KCNIP1: variants seen among roughly 807,000 people sequenced by gnomAD.
KCNIP1 encodes the protein A-type potassium channel modulatory protein KCNIP1.
In KCNIP1, 18 loss-of-function variants were observed where a neutral mutation model predicts 33.0. That is an observed-to-expected ratio of 0.55 (90% CI 0.38 to 0.81). KCNIP1 has a LOEUF of 0.81. Ranked by LOEUF, KCNIP1 falls within the 30% of genes least tolerant of loss-of-function variation. The pLI is 0.00. For synonymous variants in KCNIP1, 93 were observed against 98.3 expected (o/e 0.95, Z 0.32); for missense variants, 238 against 271.6 (o/e 0.88, Z 0.87).
At chr5:170,635,637 C>T (rs892039838) in intron 1 of KCNIP1, among the ~76,000 whole-genome samples, 4 of 152,360 alleles carry the variant, frequency 2.6e-5, no homozygotes, top group East Asian at 3.9e-4. Context: ...TATCAGCCTC[C>T]CTGCACTGTA....
In KCNIP1 at chr5:170,489,997, C is replaced by G. The variant is rs1179812402; in HGVS notation, c.88+136033C>G. The stretch of plus-strand genomic sequence containing the variant: ...AGGGTTTGAGGGTTAAGGACATTCA[C>G]CAGTCTCCCAGCACACTCATCTCCA... On this transcript the variant is annotated intron_variant, in intron 1 of 7. Transcript: ENST00000377360. This position sits in a 1 kb window ranked among gnomAD's most constrained non-coding sequence, Gnocchi z 4.3. 1.3e-5 allele frequency among the ~76,000 whole-genome samples: 2 copies of G among 152,174 alleles called. No individual in the cohort carries two copies. The highest frequency in any genetic ancestry group is 2.9e-5 in the Non-Finnish European group (2 of 68,034).
intron 1 of KCNIP1, among the ~76,000 whole-genome samples, chr5:170,600,693 T>C (rs1758656904): frequency 6.6e-6 from 1 of 152,192 alleles, no homozygotes; most frequent in Admixed American, 6.5e-5. Flanking sequence ...CTGCATTCAG[T>C]AGGCAGGTAC....
At chr5:170,458,623 C>T (rs1756441759) in intron 1 of KCNIP1, among the ~76,000 whole-genome samples, 1 of 152,162 alleles carries the variant, frequency 6.6e-6, no homozygotes, top group Admixed American at 6.5e-5. Flanking sequence ...AGGAAAGATA[C>T]AGTCTTTTTC....
At chr5:170,670,034 A>G (rs1289627422) in intron 1 of KCNIP1, among the ~76,000 whole-genome samples, 1 of 152,214 alleles carries the variant, frequency 6.6e-6, no homozygotes, top group African/African-American at 2.4e-5. Context: ...TTCAGCAACC[A>G]GAGAACTGAA....
intron 1 of KCNIP1, among the ~76,000 whole-genome samples, chr5:170,478,899 A>T (rs1756914486): frequency 6.8e-6 from 1 of 147,466 alleles, no homozygotes. Context: ...GTGGTTAATG[A>T]AAAGGAAGAT....
chr5:170,721,924 C>T lies in KCNIP1; in HGVS notation c.327+21C>T, dbSNP rs534907869. 1.1e-4 allele frequency: 176 copies of T among 1,613,660 alleles called. 3 individuals carry two copies. The East Asian group carries it at 3.6e-3, about 33-fold the overall frequency. ...TCGAGGTACGCTCATCTGGGGTCCA[C>T]TCTAGGGGTCCTCTGGTTCTGCATC... On this transcript the variant is annotated intron_variant, in intron 4 of 7. Transcript: ENST00000328939.
intron 5 of KCNIP1, among the ~76,000 whole-genome samples, chr5:170,723,216 A>G (rs1763891605): frequency 6.6e-6 from 1 of 152,244 alleles, no homozygotes; most frequent in Non-Finnish European, 1.5e-5. Context: ...AAAGATTTTT[A>G]AGGAAGAGGA....
At chr5:170,734,295 C>A (rs1465892651) in intron 7 of KCNIP1, among the ~76,000 whole-genome samples, 1 of 152,112 alleles carries the variant, frequency 6.6e-6, no homozygotes, top group Non-Finnish European at 1.5e-5. Context: ...CCACAGTGTG[C>A]ATAAAAATTG....
chr5:170,638,826 G>C lies in KCNIP1; in HGVS notation c.62-79932G>C, dbSNP rs550954936. Among the ~76,000 whole-genome samples, 23 of 152,284 alleles carry C rather than the reference G, an allele frequency of 1.5e-4. No homozygotes were observed. The South Asian group carries it at 4.1e-3, about 27-fold the overall frequency. On this transcript the variant is annotated intron_variant, in intron 1 of 7. Transcript: ENST00000328939. ...CTCAGGGGAACCCTCCTCCTCTCCC[G>C]AATCTCCGGGCTTCCTGCATCCCTG...
chr5:170,490,324 A>AAATT (rs1395731131), intron 1 of KCNIP1, among the ~76,000 whole-genome samples: 1 of 152,230 alleles, frequency 6.6e-6, no homozygotes, highest in Non-Finnish European at 1.5e-5. Flanking sequence ...TCACTGTGTG[A>AAATT]AATTCTCCCA....
chr5:170,669,105 A>T (rs1296541560), intron 1 of KCNIP1, among the ~76,000 whole-genome samples: 4 of 152,182 alleles, frequency 2.6e-5, no homozygotes, highest in African/African-American at 9.7e-5. Flanking sequence ...GTGTGAATAA[A>T]GGGACTGGGT....
intron 1 of KCNIP1, chr5:170,378,660 A>G (rs1764104954): frequency 1.9e-6 from 3 of 1,548,032 alleles, no homozygotes; most frequent in Non-Finnish European, 2.6e-6. Flanking sequence ...GGGCCCAGCC[A>G]GTCCCCTGTG....
At chr5:170,458,000 A>T (rs1313963102) in intron 1 of KCNIP1, among the ~76,000 whole-genome samples, 1 of 152,234 alleles carries the variant, frequency 6.6e-6, no homozygotes, top group Admixed American at 6.5e-5. Context: ...ATAAATAAAA[A>T]ACAATCAAAA....
chr5:170,671,045 G>A (rs545375905), intron 1 of KCNIP1, among the ~76,000 whole-genome samples: 1 of 152,208 alleles, frequency 6.6e-6, no homozygotes, highest in South Asian at 2.1e-4. Flanking sequence ...CCTTGTCACT[G>A]TGTCTTCTGA....
intron 1 of KCNIP1, among the ~76,000 whole-genome samples, chr5:170,682,944 T>C (rs1762408665): frequency 6.6e-6 from 1 of 152,120 alleles, no homozygotes. Context: ...TCCTACTTTC[T>C]TATAAGGCTA....
chr5:170,694,688 TC>T (rs1455631126), intron 1 of KCNIP1, among the ~76,000 whole-genome samples: 1 of 152,220 alleles, frequency 6.6e-6, no homozygotes, highest in African/African-American at 2.4e-5. Flanking sequence ...ACAGAGAGGT[TC>T]TTTTTAATTG....
chr5:170,442,502 C>G (rs955931555), intron 1 of KCNIP1, among the ~76,000 whole-genome samples: 4 of 152,184 alleles, frequency 2.6e-5, no homozygotes, highest in African/African-American at 7.2e-5. Context: ...TAAGGAGAGA[C>G]AGGGCCTCGT....
In KCNIP1 at chr5:170,447,594, G is replaced by A. The variant is rs115241103; in HGVS notation, c.88+93630G>A. On this transcript the variant is annotated intron_variant, in intron 1 of 7. Coordinates refer to the KCNIP1 transcript ENST00000377360. The stretch of plus-strand genomic sequence containing the variant: ...GCAGCATCCAGAATTCAGCCTCAGG[G>A]ATGTTGGTCATGCAAGCCACCAAAT... 6.2e-3 allele frequency among the ~76,000 whole-genome samples: 937 copies of A among 152,242 alleles called. 13 individuals are homozygous for A. The highest frequency in any genetic ancestry group is 0.021 in the African/African-American group (861 of 41,548).
intron 1 of KCNIP1, among the ~76,000 whole-genome samples, chr5:170,560,091 G>T (rs1756981866): frequency 6.6e-6 from 1 of 152,134 alleles, no homozygotes; most frequent in South Asian, 2.1e-4. Context: ...ACCTTCTCAG[G>T]AGCTACCACT....
Sources: gnomAD v4.1 joint callset for allele counts (sites outside exome capture counted in the v4.1 genomes callset) on GRCh38, gnomAD v4.1.1 for gene constraint, Gnocchi (gnomAD v3.1) non-coding constraint, MANE v1.5 for transcripts, NCBI Gene and HGNC (gene_info 2026-07-23, HGNC 2026-07-21) for gene names.